Variants in EFNA5 observed in about 807,000 individuals in gnomAD.
EFNA5 encodes ephrin-A5.
Under a neutral mutation model 22.9 loss-of-function variants are expected in EFNA5, and 5 were observed. The ratio of observed to expected loss-of-function variants is 0.22; its 90% CI spans 0.11 to 0.46. EFNA5 has a LOEUF of 0.46. Ranked by LOEUF, EFNA5 falls within the 20% of genes least tolerant of loss-of-function variation. The pLI is 0.99. For missense variants in EFNA5, 237 were observed against 293.3 expected (o/e 0.81, Z 1.40); for synonymous variants, 113 against 112.2 (o/e 1.01, Z -0.04).
intron 1 of EFNA5, among the ~76,000 whole-genome samples, chr5:107,560,783 G>GT (rs889029795): frequency 3.3e-5 from 5 of 151,992 alleles, no homozygotes; most frequent in African/African-American, 1.2e-4. Context: ...CTCATCCATC[G>GT]TAACAGCGAC....
chr5:107,572,587 T>G (rs1188432349), intron 1 of EFNA5, among the ~76,000 whole-genome samples: 1 of 152,148 alleles, frequency 6.6e-6, no homozygotes, highest in East Asian at 1.9e-4. Context: ...GAAGTTAGAG[T>G]TTACTATAAC....
chr5:107,633,139 C>A (rs542934979), intron 1 of EFNA5, among the ~76,000 whole-genome samples: 11 of 152,206 alleles, frequency 7.2e-5, no homozygotes, highest in Middle Eastern at 3.4e-3. Flanking sequence ...AAAATTTCTT[C>A]CTGCTTTCAT....
intron 4 of EFNA5, among the ~76,000 whole-genome samples, chr5:107,382,495 C>T (rs1747496661): frequency 6.6e-6 from 1 of 152,168 alleles, no homozygotes. Flanking sequence ...GCCTCAACCT[C>T]CCGAGTAGCT....
intron 1 of EFNA5, among the ~76,000 whole-genome samples, chr5:107,568,872 T>G (rs1482249495): frequency 6.6e-6 from 1 of 152,184 alleles, no homozygotes; most frequent in African/African-American, 2.4e-5. Flanking sequence ...TTACAAATCC[T>G]TCTCGGTCTT....
chr5:107,602,491 A>T (rs183027922), intron 1 of EFNA5, among the ~76,000 whole-genome samples: 1 of 152,278 alleles, frequency 6.6e-6, no homozygotes, highest in Non-Finnish European at 1.5e-5. Context: ...TTTGGCCAAC[A>T]ATTAGGAAAC....
At chr5:107,484,078 C>T (rs955067325) in intron 1 of EFNA5, among the ~76,000 whole-genome samples, 1 of 152,176 alleles carries the variant, frequency 6.6e-6, no homozygotes, top group Non-Finnish European at 1.5e-5. Flanking sequence ...CCATGGTACC[C>T]ATCTGCCTTA....
chr5:107,507,654 C>T lies in EFNA5; in HGVS notation c.126-80145G>A, dbSNP rs1021804438. 7.9e-5 allele frequency among the ~76,000 whole-genome samples: 12 copies of T among 151,492 alleles called. No homozygotes were observed. In the East Asian group the frequency reaches 1.4e-3, roughly 17 times the overall value. ...GAGTTTGAGACCAGCCTGGGCAACA[C>T]GGCAAAACCTCATCTCCTAAAGATA... is the stretch of plus-strand genomic sequence containing the variant. On this transcript the variant is annotated intron_variant, in intron 1 of 4. Transcript: ENST00000333274.
chr5:107,606,897 C>T (rs1749736052), intron 1 of EFNA5, among the ~76,000 whole-genome samples: 2 of 152,096 alleles, frequency 1.3e-5, no homozygotes, highest in Admixed American at 1.3e-4. Flanking sequence ...ATTTTTTTCT[C>T]TCCATTGTTA....
At chr5:107,663,448 A>G (rs531222416) in intron 1 of EFNA5, among the ~76,000 whole-genome samples, 1 of 152,244 alleles carries the variant, frequency 6.6e-6, no homozygotes, top group African/African-American at 2.4e-5. Flanking sequence ...TCCAAGGCAT[A>G]TACATATTTG....
intron 1 of EFNA5, among the ~76,000 whole-genome samples, chr5:107,508,272 A>G (rs193057261): frequency 2.0e-4 from 31 of 152,318 alleles, no homozygotes; most frequent in African/African-American, 7.0e-4. Flanking sequence ...CCAGTACTTA[A>G]GTTAGAATAG....
intron 1 of EFNA5, among the ~76,000 whole-genome samples, chr5:107,451,053 T>A (rs152587): frequency 0.39 from 59,938 of 152,040 alleles, 12,095 homozygotes; most frequent in East Asian, 0.54. Flanking sequence ...AAGCTGGAGG[T>A]CTTACCAAGA....
At chr5:107,472,416 G>A (rs1481893995) in intron 1 of EFNA5, among the ~76,000 whole-genome samples, 1 of 152,124 alleles carries the variant, frequency 6.6e-6, no homozygotes. Flanking sequence ...TAACACTTTG[G>A]ATGTTAAAAA....
At position 107,519,790 on chromosome 5, in the gene EFNA5, T is replaced by C. The variant is rs1355482293; in HGVS notation, c.126-92281A>G. 4.0e-4 allele frequency among the ~76,000 whole-genome samples: 61 copies of C among 152,220 alleles called. 1 individual carries two copies. The highest frequency in any genetic ancestry group is 4.0e-3 in the Admixed American group (61 of 15,278). Reference sequence around the variant, plus strand: ...ATTTTTACTTTAAAAATAAGTAATTTTAAGAAAAGGAGAGCAGTTAGTGCA... The same window carrying C: ...ATTTTTACTTTAAAAATAAGTAATTCTAAGAAAAGGAGAGCAGTTAGTGCA... On this transcript the variant is annotated intron_variant, in intron 1 of 4. Coordinates refer to ENST00000333274, the MANE Select transcript of EFNA5 (RefSeq NM_001962.3).
intron 1 of EFNA5, among the ~76,000 whole-genome samples, chr5:107,593,627 G>A (rs1035949293): frequency 1.3e-5 from 2 of 152,078 alleles, no homozygotes; most frequent in Non-Finnish European, 2.9e-5. Flanking sequence ...GCTTTCTAGG[G>A]GTAGGTGCTA....
intron 1 of EFNA5, among the ~76,000 whole-genome samples, chr5:107,514,098 A>G (rs1037662498): frequency 2.6e-5 from 4 of 152,210 alleles, no homozygotes; most frequent in Non-Finnish European, 4.4e-5. Flanking sequence ...ATGCTAAATG[A>G]CATCCCTGTC....
rs139224426 is a variant in EFNA5 at position 107,570,181 on chromosome 5, A to G, written c.125+100308T>C. ...AAGGAAGGGCCTCTAATTTCCAGTA[A>G]TTACCCTGGTACCTTAAAGTCCGTA... On this transcript the variant is annotated intron_variant, in intron 1 of 4. Transcript: ENST00000333274. Among the ~76,000 whole-genome samples, 92 of 152,286 alleles carry G rather than the reference A, an allele frequency of 6.0e-4. No homozygotes were observed. The East Asian group carries it at 0.017, about 28-fold the overall frequency.
At chr5:107,500,740 G>T (rs1025064540) in intron 1 of EFNA5, among the ~76,000 whole-genome samples, 1 of 152,044 alleles carries the variant, frequency 6.6e-6, no homozygotes, top group Non-Finnish European at 1.5e-5. Context: ...AAATTCTGCA[G>T]GCATCTGAGC....
chr5:107,577,271 C>T (rs997260243), intron 1 of EFNA5, among the ~76,000 whole-genome samples: 5 of 151,912 alleles, frequency 3.3e-5, no homozygotes, highest in East Asian at 1.9e-4. Flanking sequence ...TGCTTGGGAA[C>T]GTAGCCTGGG....
intron 1 of EFNA5, among the ~76,000 whole-genome samples, chr5:107,482,689 G>C (rs1750502299): frequency 6.6e-6 from 1 of 151,854 alleles, no homozygotes; most frequent in Non-Finnish European, 1.5e-5. Context: ...ATTTATACAG[G>C]GTATTAGAGA....
Sources: gnomAD v4.1 joint callset for allele counts (sites outside exome capture counted in the v4.1 genomes callset) on GRCh38, gnomAD v4.1.1 for gene constraint, MANE v1.5 for transcripts, NCBI Gene and HGNC (gene_info 2026-07-23, HGNC 2026-07-21) for gene names.